Variants in RELN observed in about 807,000 individuals in gnomAD.
RELN encodes the protein reelin.
RELN carries 108 observed loss-of-function variants against 427.6 expected under a neutral mutation model. The observed-to-expected ratio is 0.25, with a 90% CI of 0.22 to 0.30. The LOEUF (loss-of-function observed/expected upper bound fraction) is 0.30, where lower values mean the gene tolerates loss of function less well. Ranked by LOEUF, RELN falls within the 10% of genes least tolerant of loss-of-function variation. The probability of loss-of-function intolerance (pLI) is 1.00; values close to 1 mark genes in which losing one functional copy is unlikely to be tolerated. For synonymous variants in RELN, 1,524 were observed against 1,513.4 expected (o/e 1.01, Z -0.16); for missense variants, 3,715 against 4,302.8 (o/e 0.86, Z 3.82).
chr7:103,502,954 T>C, intron 52 of RELN, 62 bp downstream of exon 52: 2 of 1,334,504 alleles, frequency 1.5e-6, no homozygotes, highest in Non-Finnish European at 2.2e-6. Context: ...ATGACAACAG[T>C]GTACCTAATG....
At chr7:103,895,314 G>T (rs1045987110) in intron 2 of RELN, among the ~76,000 whole-genome samples, 1 of 151,948 alleles carries the variant, frequency 6.6e-6, no homozygotes, top group African/African-American at 2.4e-5. Flanking sequence ...AAAAGTGGTA[G>T]TTCAAAGGGT....
intron 28 of RELN, among the ~76,000 whole-genome samples, chr7:103,581,813 G>C (rs986732344): frequency 1.3e-5 from 2 of 151,970 alleles, no homozygotes; most frequent in African/African-American, 4.8e-5. Flanking sequence ...GAAAAATACT[G>C]AGATGAAGAC....
chr7:103,478,982 G>C (rs925214421), intron 63 of RELN, among the ~76,000 whole-genome samples: 1 of 152,176 alleles, frequency 6.6e-6, no homozygotes, highest in Admixed American at 6.5e-5. Context: ...ATGCTTTTAA[G>C]ACCATAGTTA....
At chr7:103,933,592 C>T (rs554766015) in intron 1 of RELN, among the ~76,000 whole-genome samples, 55 of 152,104 alleles carry the variant, frequency 3.6e-4, no homozygotes, top group African/African-American at 1.3e-3. Flanking sequence ...ATGCTGTATC[C>T]TACCTCTGAG....
Position 103,698,771 on chromosome 7 carries a change from T to G in RELN, c.903-678A>C, listed in dbSNP as rs536250198. Among the ~76,000 whole-genome samples, 118 of 152,266 alleles carry G rather than the reference T, an allele frequency of 7.7e-4. 1 individual carries two copies. Among genetic ancestry groups the G allele is most frequent in the African/African-American group, 2.7e-3 (112 of 41,572 alleles). On this transcript the variant is annotated intron_variant, in intron 9 of 64. Coordinates refer to ENST00000428762, the MANE Select transcript of RELN (RefSeq NM_005045.4). Reference sequence around the variant, plus strand: ...CTCAAGTGATCCTTCTGCCTCAGCCTCCCAAAGTGTTGGGGCTGCTAGAGT... The same window carrying G: ...CTCAAGTGATCCTTCTGCCTCAGCCGCCCAAAGTGTTGGGGCTGCTAGAGT...
intron 8 of RELN, among the ~76,000 whole-genome samples, chr7:103,710,574 TAA>T (rs1434830882): frequency 2.6e-5 from 4 of 152,260 alleles, no homozygotes; most frequent in Non-Finnish European, 4.4e-5. Flanking sequence ...CAAATATAAA[TAA>T]GAGAGAGGTT....
At chr7:103,572,575 T>C (rs1170612915) in intron 30 of RELN, among the ~76,000 whole-genome samples, 1 of 152,000 alleles carries the variant, frequency 6.6e-6, no homozygotes, top group African/African-American at 2.4e-5. Flanking sequence ...CTTGCTCTGT[T>C]GCCCAGGCTG....
At chr7:103,983,911 G>A (rs1188648340) in intron 1 of RELN, among the ~76,000 whole-genome samples, 1 of 149,738 alleles carries the variant, frequency 6.7e-6, no homozygotes, top group African/African-American at 2.5e-5. Context: ...CTTTTAAAAT[G>A]TAAATGTTCA....
chr7:103,957,391 A>C (rs1796454923), intron 1 of RELN, among the ~76,000 whole-genome samples: 1 of 152,228 alleles, frequency 6.6e-6, no homozygotes, highest in Non-Finnish European at 1.5e-5. Flanking sequence ...ATCTAATTCT[A>C]AGGGAGTTGA....
intron 2 of RELN, among the ~76,000 whole-genome samples, chr7:103,871,341 G>A (rs750329228): frequency 6.6e-6 from 1 of 151,984 alleles, no homozygotes; most frequent in Non-Finnish European, 1.5e-5. Flanking sequence ...GTTCATAAGT[G>A]GGGAGCCACA....
chr7:103,788,655 G>A (rs577060414), intron 3 of RELN, among the ~76,000 whole-genome samples: 1 of 152,096 alleles, frequency 6.6e-6, no homozygotes, highest in African/African-American at 2.4e-5. Flanking sequence ...TCTTCAAGGA[G>A]AACTACAAAC....
chr7:103,924,699 G>A (rs1273339790), intron 1 of RELN, among the ~76,000 whole-genome samples: 1 of 152,074 alleles, frequency 6.6e-6, no homozygotes, highest in African/African-American at 2.4e-5. Flanking sequence ...TGAACCACAC[G>A]TAGCCTCTAA....
At chr7:103,725,116 TA>T (rs1205756410) in intron 7 of RELN, among the ~76,000 whole-genome samples, 1 of 152,210 alleles carries the variant, frequency 6.6e-6, no homozygotes, top group African/African-American at 2.4e-5. Context: ...ATTAGTATGA[TA>T]ACTAAATGAA....
At chr7:103,723,450 A>T (rs1222712820) in intron 7 of RELN, among the ~76,000 whole-genome samples, 2 of 152,156 alleles carry the variant, frequency 1.3e-5, no homozygotes. Context: ...TCCTTTCACA[A>T]ACTGTTCTTA....
chr7:103,734,953 A>G (rs565107556), intron 6 of RELN, among the ~76,000 whole-genome samples: 4 of 152,298 alleles, frequency 2.6e-5, no homozygotes, highest in African/African-American at 9.6e-5. Context: ...AAAAAACATT[A>G]ACAGTGAATT....
chr7:103,859,136 T>G (rs1019345941), intron 2 of RELN, among the ~76,000 whole-genome samples: 3 of 152,092 alleles, frequency 2.0e-5, no homozygotes, highest in Non-Finnish European at 4.4e-5. Flanking sequence ...AATACATACA[T>G]TATCAGATTA....
chr7:103,855,171 T>C (rs941997638), intron 2 of RELN, among the ~76,000 whole-genome samples: 1 of 152,220 alleles, frequency 6.6e-6, no homozygotes, highest in Admixed American at 6.5e-5. Flanking sequence ...TAAAATTCTC[T>C]TGGGAAGTTT....
chr7:103,490,895 G>A, intron 58 of RELN, 66 bp from the exon 59 acceptor site: 1 of 1,508,630 alleles, frequency 6.6e-7, no homozygotes, highest in Admixed American at 1.7e-5. Flanking sequence ...TAATGTCAAG[G>A]TAATGCTTTG....
intron 46 of RELN, among the ~76,000 whole-genome samples, chr7:103,533,056 G>C (rs1214216933): frequency 1.3e-5 from 2 of 152,326 alleles, no homozygotes; most frequent in Non-Finnish European, 2.9e-5. Context: ...CTGATGACTA[G>C]TGACCATTTT....
Sources: gnomAD v4.1 joint callset for allele counts (sites outside exome capture counted in the v4.1 genomes callset) on GRCh38, gnomAD v4.1.1 for gene constraint, MANE v1.5 for transcripts, NCBI Gene and HGNC (gene_info 2026-07-23, HGNC 2026-07-21) for gene names.